Variants in ADK observed in about 807,000 individuals in gnomAD.
ADK encodes the protein adenosine kinase.
A neutral mutation model predicts 44.7 loss-of-function variants in ADK; 24 were observed. The ratio of observed to expected loss-of-function variants is 0.54; its 90% CI spans 0.39 to 0.76. ADK has a LOEUF of 0.76. Ranked by LOEUF, ADK falls within the 30% of genes least tolerant of loss-of-function variation. ADK has a pLI of 0.00. For missense variants in ADK, 321 were observed against 425.1 expected, an observed-to-expected ratio of 0.76 and a Z score of 2.15; for synonymous variants, 128 against 142.6, an observed-to-expected ratio of 0.90 and a Z score of 0.73.
intron 3 of ADK, among the ~76,000 whole-genome samples, chr10:74,301,799 T>C (rs1840041688): frequency 6.6e-6 from 1 of 152,080 alleles, no homozygotes; most frequent in African/African-American, 2.4e-5. Flanking sequence ...AGATGTCTAA[T>C]TAGAAACCAG....
chr10:74,532,074 A>C (rs866743013), intron 7 of ADK, among the ~76,000 whole-genome samples: 1 of 152,228 alleles, frequency 6.6e-6, no homozygotes, highest in African/African-American at 2.4e-5. Context: ...GTAATTCATC[A>C]TGACTAGGAG....
In ADK at chr10:74,490,731, C is replaced by T. The variant is rs181280470; in HGVS notation, c.556-34525C>T. On this transcript the variant is annotated intron_variant, in intron 6 of 10. Coordinates refer to ENST00000539909, the MANE Select transcript of ADK (RefSeq NM_006721.4). Reference sequence around the variant, plus strand: ...AAAGTGTTTTGTTTTTGTTTTTACCCTCGGACAAGCCAGTCAGCTGATCTT... The same window carrying T: ...AAAGTGTTTTGTTTTTGTTTTTACCTTCGGACAAGCCAGTCAGCTGATCTT... 2.0e-4 allele frequency among the ~76,000 whole-genome samples: 31 copies of T among 152,240 alleles called. No homozygotes were observed. In the East Asian group the frequency reaches 5.6e-3, roughly 27 times the overall value.
intron 6 of ADK, among the ~76,000 whole-genome samples, chr10:74,479,955 G>A (rs189317894): frequency 6.6e-6 from 1 of 151,908 alleles, no homozygotes. Context: ...ATGTAATGAG[G>A]TTTACCAACA....
rs752385282 is a variant in ADK at position 74,238,856 on chromosome 10, C to CTTTTTTTTT, written c.194+14281_194+14289dup. Reference sequence around the variant, plus strand: ...TTGAAAACTGCCACTTTAGCTAGTGCTTTTTTTTTTTTTTTTTTTTTTTTA... The same window carrying CTTTTTTTTT: ...TTGAAAACTGCCACTTTAGCTAGTGCTTTTTTTTTTTTTTTTTTTTTTTTTTTTTTTTTA... On this transcript the variant is annotated intron_variant, in intron 3 of 10. Coordinates refer to ENST00000539909, the MANE Select transcript of ADK (RefSeq NM_006721.4). Among the ~76,000 whole-genome samples, 36 of 88,196 alleles carry CTTTTTTTTT rather than the reference C, an allele frequency of 4.1e-4. 1 individual carries two copies. Among genetic ancestry groups the CTTTTTTTTT allele is most frequent in the African/African-American group, 1.6e-3 (33 of 21,010 alleles). 57.9% of individuals were successfully genotyped at this position (88,196 alleles called of 152,430 possible). A position where few individuals can be genotyped will look rare whatever the true frequency, so the allele number is the denominator to read the frequency against.
rs76856025 is a variant in ADK, at chr10:74,581,416, C to T, written c.727-7866C>T. 5.2e-3 allele frequency among the ~76,000 whole-genome samples: 794 copies of T among 152,074 alleles called. 7 individuals are homozygous for T. Among genetic ancestry groups the T allele is most frequent in the African/African-American group, 0.018 (758 of 41,488 alleles). Reference sequence around the variant, plus strand: ...TAGAGGGAAAAAAAGACTGGAAAAACAAGCAGTGTCACTGTGAGCTGTGAG... The same window carrying T: ...TAGAGGGAAAAAAAGACTGGAAAAATAAGCAGTGTCACTGTGAGCTGTGAG... On this transcript the variant is annotated intron_variant, in intron 7 of 10. Transcript: ENST00000539909.
chr10:74,467,679 T>C (rs1001010650), intron 6 of ADK, among the ~76,000 whole-genome samples: 15 of 152,036 alleles, frequency 9.9e-5, no homozygotes, highest in African/African-American at 3.4e-4. Flanking sequence ...AGAAGTCAGA[T>C]TATGGGAGAC....
Position 74,258,219 on chromosome 10 carries a change from A to T in ADK, c.194+33628A>T, listed in dbSNP as rs73284285. 5.2e-3 allele frequency among the ~76,000 whole-genome samples: 788 copies of T among 152,264 alleles called. 6 individuals are homozygous for T. The highest frequency in any genetic ancestry group is 0.018 in the African/African-American group (751 of 41,566). On this transcript the variant is annotated intron_variant, in intron 3 of 10. Transcript: ENST00000539909. ...ATTAGATGTATTCTTTTATTTGCTT[A>T]CATAAGTTGGCATCACTTACTATAG...
At chr10:74,152,126 T>C (rs1474451569) in intron 1 of ADK, among the ~76,000 whole-genome samples, 1 of 152,188 alleles carries the variant, frequency 6.6e-6, no homozygotes, top group Non-Finnish European at 1.5e-5. Flanking sequence ...AAAATAGACA[T>C]ATCAAACTGA....
At chr10:74,247,222 AAGTTTTTTTTTTTTT>A (rs1564616096) in intron 3 of ADK, among the ~76,000 whole-genome samples, 1 of 97,472 alleles carries the variant, frequency 1.0e-5, no homozygotes. Flanking sequence ...TTTTTTTTTT[AAGTTTTTTTTTTTTT>A]TTTTTTTTTT....
intron 9 of ADK, among the ~76,000 whole-genome samples, chr10:74,644,526 GT>G (rs1311606322): frequency 2.6e-5 from 4 of 152,158 alleles, no homozygotes; most frequent in Admixed American, 6.6e-5. Flanking sequence ...GAAAGAATTG[GT>G]TTTTTTATTT....
intron 4 of ADK, among the ~76,000 whole-genome samples, chr10:74,321,444 C>T (rs1384449417): frequency 6.6e-6 from 1 of 151,874 alleles, no homozygotes; most frequent in Non-Finnish European, 1.5e-5. Flanking sequence ...CCACCACACC[C>T]ACCTTATTTT....
chr10:74,296,774 G>A (rs1294311236), intron 3 of ADK, among the ~76,000 whole-genome samples: 1 of 151,854 alleles, frequency 6.6e-6, no homozygotes, highest in African/African-American at 2.4e-5. Flanking sequence ...ACCACGCTGG[G>A]CTAATTTTTT....
At chr10:74,331,629 C>T (rs915722607) in intron 4 of ADK, among the ~76,000 whole-genome samples, 1 of 152,000 alleles carries the variant, frequency 6.6e-6, no homozygotes, top group Admixed American at 6.6e-5. Flanking sequence ...GTATTACAGG[C>T]GCCTGCCACC....
intron 6 of ADK, among the ~76,000 whole-genome samples, chr10:74,466,767 C>A (rs1160161809): frequency 6.6e-6 from 1 of 152,118 alleles, no homozygotes; most frequent in Non-Finnish European, 1.5e-5. Flanking sequence ...AAAGGTTTCT[C>A]TTTCTGTAGC....
At chr10:74,630,475 G>A (rs118019038) in intron 9 of ADK, among the ~76,000 whole-genome samples, 2 of 152,108 alleles carry the variant, frequency 1.3e-5, no homozygotes, top group Non-Finnish European at 2.9e-5. Flanking sequence ...GTACTGGCCA[G>A]TTATTTTATA....
Position 74,348,861 on chromosome 10 carries a change from G to GA in ADK, c.273+34126dup, listed in dbSNP as rs963525661. Among the ~76,000 whole-genome samples, 39 of 146,050 alleles carry GA rather than the reference G, an allele frequency of 2.7e-4. No homozygotes were observed. The Middle Eastern group carries it at 0.01, about 39-fold the overall frequency. On this transcript the variant is annotated intron_variant, in intron 4 of 10. Transcript: ENST00000539909. Reference sequence around the variant, plus strand: ...AATAAAGTGTGAAGACAAGATTAGAGAAAAAAAAAATAAAATGGAATGAAC... The same window carrying GA: ...AATAAAGTGTGAAGACAAGATTAGAGAAAAAAAAAAATAAAATGGAATGAAC...
intron 1 of ADK, among the ~76,000 whole-genome samples, chr10:74,153,122 A>G (rs1841659086): frequency 6.6e-6 from 1 of 152,230 alleles, no homozygotes; most frequent in South Asian, 2.1e-4. Flanking sequence ...GACTTTGCAT[A>G]ATTTAATGTG....
chr10:74,656,161 G>T, intron 9 of ADK: 1 of 285,932 alleles, frequency 3.5e-6, no homozygotes. Flanking sequence ...GAGGATGGCG[G>T]CTGCTGTCTG....
At chr10:74,297,147 G>C (rs1839846843) in intron 3 of ADK, among the ~76,000 whole-genome samples, 1 of 152,220 alleles carries the variant, frequency 6.6e-6, no homozygotes. Context: ...AAACGAGTTT[G>C]TGGGTGAAGT....
Sources: gnomAD v4.1 joint callset for allele counts (sites outside exome capture counted in the v4.1 genomes callset) on GRCh38, gnomAD v4.1.1 for gene constraint, MANE v1.5 for transcripts, NCBI Gene and HGNC (gene_info 2026-07-23, HGNC 2026-07-21) for gene names.